Variants in MAP3K1 observed in about 807,000 individuals in gnomAD.
The protein encoded by MAP3K1 is mitogen-activated protein kinase kinase kinase 1, also known as MAP/ERK kinase kinase 1.
A neutral mutation model predicts 144.2 loss-of-function variants in MAP3K1; 36 were observed. That is an observed-to-expected ratio of 0.25 (90% CI 0.19 to 0.33). The LOEUF (loss-of-function observed/expected upper bound fraction) is 0.33, where lower values mean the gene tolerates loss of function less well. Among genes scored for constraint, MAP3K1 ranks in the 10% least tolerant of loss-of-function variants. MAP3K1 has a pLI of 1.00. For synonymous variants in MAP3K1, 718 were observed against 688.7 expected (o/e 1.04, Z -0.67); for missense variants, 1,650 against 1,881.9 (o/e 0.88, Z 2.28).
At chr5:56,885,320 A>G (rs1748347293) in intron 16 of MAP3K1, among the ~76,000 whole-genome samples, 1 of 152,198 alleles carries the variant, frequency 6.6e-6, no homozygotes, top group Non-Finnish European at 1.5e-5. Context: ...GATGTGATGA[A>G]CAGATTGTTT....
rs1452191604 is a variant in MAP3K1 at position 56,865,334 on chromosome 5, C to T, written c.1036-6C>T. ...TAACCTATAGGTTTTCTTTTTAACT[C>T]TTTAGAACTGCAGCTGTGCACGTGG... On this transcript the variant is annotated splice_region_variant and splice_polypyrimidine_tract_variant and intron_variant, in intron 4 of 19. Transcript: ENST00000399503. 1 of 1,553,162 alleles carries T rather than the reference C, an allele frequency of 6.4e-7. No individual in the cohort carries two copies. The highest frequency in any genetic ancestry group is 8.9e-7 in the Non-Finnish European group (1 of 1,124,820).
At chr5:56,820,024 T>G (rs1330888686) in intron 1 of MAP3K1, among the ~76,000 whole-genome samples, 1 of 152,188 alleles carries the variant, frequency 6.6e-6, no homozygotes, top group Non-Finnish European at 1.5e-5. Context: ...CTCTTTTCAG[T>G]TTGCAAAAAT....
In MAP3K1 at chr5:56,894,720, A is replaced by G. The variant is rs187160810; in HGVS notation, c.*1040A>G. ...CTACTGGTAGTAACATAGAGCTGCC[A>G]TTTTCCTTTTACCATGCATCATCTC... On this transcript the variant is annotated 3_prime_UTR_variant, in exon 20 of 20. Transcript: ENST00000399503. The G allele has an allele frequency of 6.8e-4, 158 of 232,406 alleles. No individual in the cohort carries two copies. The highest frequency in any genetic ancestry group is 1.0e-3 in the Non-Finnish European group (121 of 117,540). The allele number at this position is 232,406 out of a possible 1,614,324, so 14.4% of individuals were successfully genotyped here.
At chr5:56,824,387 T>G (rs930112257) in intron 1 of MAP3K1, among the ~76,000 whole-genome samples, 2 of 152,244 alleles carry the variant, frequency 1.3e-5, no homozygotes, top group Non-Finnish European at 2.9e-5. Flanking sequence ...TCATGCAGTG[T>G]TGTTCATGTG....
chr5:56,885,840 A>T, intron 16 of MAP3K1, 92 bp from the exon 17 acceptor site: 2 of 995,226 alleles, frequency 2.0e-6, no homozygotes, highest in South Asian at 2.7e-5. Flanking sequence ...TGTGAATGTG[A>T]GTTCATGCAG....
At chr5:56,871,591 AC>A (rs1027336526) in intron 6 of MAP3K1, among the ~76,000 whole-genome samples, 1 of 152,108 alleles carries the variant, frequency 6.6e-6, no homozygotes, top group African/African-American at 2.4e-5. Context: ...ACATAGTCAA[AC>A]CTGTTGGTCT....
At chr5:56,867,521 A>AG (rs1747713363) in intron 6 of MAP3K1, among the ~76,000 whole-genome samples, 1 of 152,212 alleles carries the variant, frequency 6.6e-6, no homozygotes, top group Non-Finnish European at 1.5e-5. Context: ...AAGAATTTTA[A>AG]GGGGCTAAGA....
chr5:56,863,222 C>T (rs1052498628), intron 3 of MAP3K1, among the ~76,000 whole-genome samples: 1 of 152,170 alleles, frequency 6.6e-6, no homozygotes, highest in African/African-American at 2.4e-5. Context: ...TCTGAACTTG[C>T]GGTTTTGAGT....
chr5:56,837,480 G>A (rs181466191), intron 1 of MAP3K1, among the ~76,000 whole-genome samples: 7 of 152,232 alleles, frequency 4.6e-5, no homozygotes, highest in African/African-American at 1.7e-4. Context: ...AGGACTAACA[G>A]TGGATACTTG....
In MAP3K1 at chr5:56,816,199, C is replaced by A. The variant is rs1457282437; in HGVS notation, c.482+144C>A. ...CGCCGGGACCTACGCCCCTGAGCAC[C>A]CCCCGACCCCTTCGGAGTCGGGCGG... On this transcript the variant is annotated intron_variant, in intron 1 of 19. Coordinates refer to ENST00000399503, the MANE Select transcript of MAP3K1 (RefSeq NM_005921.2). The A allele has an allele frequency of 5.8e-6, 5 of 856,184 alleles. No individual in the cohort carries two copies. The African/African-American group carries it at 7.1e-5, about 12-fold the overall frequency. The allele number at this position is 856,184 out of a possible 1,614,324, so 53.0% of individuals were successfully genotyped here. A position where few individuals can be genotyped will look rare whatever the true frequency, so the allele number is the denominator to read the frequency against.
intron 6 of MAP3K1, 137 bp from the exon 7 acceptor site, chr5:56,871,771 ATG>A: frequency 1.4e-6 from 1 of 710,660 alleles, no homozygotes; most frequent in Non-Finnish European, 2.4e-6. Context: ...TAGTGTAAAT[ATG>A]TATCTCTTAG....
chr5:56,874,062 T>G (rs1747941213), intron 9 of MAP3K1, among the ~76,000 whole-genome samples: 1 of 152,182 alleles, frequency 6.6e-6, no homozygotes. Context: ...ATTCCTAGCT[T>G]TTTATTAAGC....
chr5:56,852,818 A>G (rs950255929), intron 1 of MAP3K1, among the ~76,000 whole-genome samples: 2 of 152,140 alleles, frequency 1.3e-5, no homozygotes, highest in African/African-American at 2.4e-5. Flanking sequence ...ATCTGTTTAG[A>G]TTAGCTTTGG....
intron 2 of MAP3K1, among the ~76,000 whole-genome samples, chr5:56,857,263 T>G (rs1561183464): frequency 6.6e-6 from 1 of 152,166 alleles, no homozygotes; most frequent in Non-Finnish European, 1.5e-5. Flanking sequence ...GAAAAAATGT[T>G]TAATAGACCT....
chr5:56,857,874 C>G (rs1747386502), intron 2 of MAP3K1, among the ~76,000 whole-genome samples: 3 of 152,204 alleles, frequency 2.0e-5, no homozygotes, highest in African/African-American at 7.2e-5. Flanking sequence ...GGTTCTCATT[C>G]TAACCGATGG....
intron 10 of MAP3K1, among the ~76,000 whole-genome samples, chr5:56,877,549 TGA>T (rs1178853541): frequency 6.7e-6 from 1 of 149,912 alleles, no homozygotes; most frequent in Non-Finnish European, 1.5e-5. Flanking sequence ...CTGAATCGTT[TGA>T]GAGTTTTTTG....
chr5:56,884,536 A>G, intron 15 of MAP3K1, 128 bp from the exon 16 acceptor site: 4 of 825,808 alleles, frequency 4.8e-6, no homozygotes, highest in Non-Finnish European at 8.0e-6. Context: ...GGTTTGTTTA[A>G]AGTACATTGC....
chr5:56,842,390 TTCTGCAGGTTTCTTCA>T (rs1746841366), intron 1 of MAP3K1, among the ~76,000 whole-genome samples: 1 of 152,236 alleles, frequency 6.6e-6, no homozygotes, highest in South Asian at 2.1e-4. Flanking sequence ...TACTTAATCT[TTCTGCAGGTTTCTTCA>T]TCTGCCCAAT....
At chr5:56,839,354 C>G (rs1034456841) in intron 1 of MAP3K1, among the ~76,000 whole-genome samples, 4 of 152,154 alleles carry the variant, frequency 2.6e-5, no homozygotes, top group Non-Finnish European at 5.9e-5. Context: ...TTGGATTATG[C>G]AAGTCATGAG....
Sources: gnomAD v4.1 joint callset for allele counts (sites outside exome capture counted in the v4.1 genomes callset) on GRCh38, gnomAD v4.1.1 for gene constraint, MANE v1.5 for transcripts, NCBI Gene and HGNC (gene_info 2026-07-23, HGNC 2026-07-21) for gene names.